Variants in LMX1B observed in about 807,000 individuals in gnomAD.
LMX1B encodes LIM homeobox transcription factor 1-beta.
A neutral mutation model predicts 51.4 loss-of-function variants in LMX1B; 12 were observed. That is an observed-to-expected ratio of 0.23 (90% CI 0.15 to 0.38). The LOEUF is 0.38. Ranked by LOEUF, LMX1B falls within the 10% of genes least tolerant of loss-of-function variation. LMX1B has a pLI of 1.00. For missense variants in LMX1B, 445 were observed against 571.1 expected (o/e 0.78, Z 2.25); for synonymous variants, 237 against 235.4 (o/e 1.01, Z -0.06).
At chr9:126,687,920 AT>A (rs930340343) in intron 2 of LMX1B, among the ~76,000 whole-genome samples, 55 of 152,262 alleles carry the variant, frequency 3.6e-4, no homozygotes, top group African/African-American at 1.2e-3. Flanking sequence ...CCCCGCTGGT[AT>A]CCCCAACCCC....
intron 2 of LMX1B, among the ~76,000 whole-genome samples, chr9:126,672,665 C>A (rs182062182): frequency 6.6e-6 from 1 of 152,258 alleles, no homozygotes; most frequent in Admixed American, 6.5e-5. Context: ...GCCTCCCTCT[C>A]GCCCCATTCA....
chr9:126,615,080 C>T lies in LMX1B; in HGVS notation c.140-303C>T, dbSNP rs546340467. ...CGCCTGTCTTGGTCCCAGCCGGCCA[C>T]CCTGCGCCGTGCTCGTTGTCATTTG... On this transcript the variant is annotated intron_variant, in intron 1 of 7. Coordinates refer to ENST00000373474, the MANE Select transcript of LMX1B (RefSeq NM_001174147.2). This position sits in a 1 kb window ranked among gnomAD's most constrained non-coding sequence, Gnocchi z 6.0. Among the ~76,000 whole-genome samples the T allele has an allele frequency of 1.3e-5, 2 of 152,206 alleles. No homozygotes were observed. The highest frequency in any genetic ancestry group is 4.1e-4 in the South Asian group (2 of 4,822).
intron 3 of LMX1B, among the ~76,000 whole-genome samples, chr9:126,691,822 G>A (rs3780331): frequency 0.11 from 16,910 of 152,266 alleles, 1,186 homozygotes; most frequent in East Asian, 0.34. Flanking sequence ...GAGGGGGCTG[G>A]GCCCTCTGTG....
chr9:126,677,169 C>T lies in LMX1B; in HGVS notation c.327-13667C>T, dbSNP rs964425653. ...CCGTCCCCAGCCAGAGCGCAGGAGA[C>T]CCAGGGATGTGGTCCCCCAGATTCT... On this transcript the variant is annotated intron_variant, in intron 2 of 7. Transcript: ENST00000373474. This position sits in a 1 kb window ranked among gnomAD's most constrained non-coding sequence, Gnocchi z 5.0. Among the ~76,000 whole-genome samples the T allele has an allele frequency of 5.3e-5, 8 of 152,188 alleles. No homozygotes were observed. Among genetic ancestry groups the T allele is most frequent in the African/African-American group, 1.9e-4 (8 of 41,450 alleles).
intron 3 of LMX1B, among the ~76,000 whole-genome samples, chr9:126,691,504 T>C (rs1184919937): frequency 6.6e-6 from 1 of 152,232 alleles, no homozygotes; most frequent in Non-Finnish European, 1.5e-5. Flanking sequence ...AGCACACTTG[T>C]GCACTAAACA....
At position 126,614,087 on chromosome 9, in the gene LMX1B, C is replaced by A. The variant is rs1045649310; in HGVS notation, c.-363C>A. On this transcript the variant is annotated 5_prime_UTR_variant, in exon 1 of 8. Transcript: ENST00000373474. ...GCGGGGCCGCCCCTGCACCCCCACC[C>A]CCTCCCCCGCCTGCCGCCGCCGCCA... Among the ~76,000 whole-genome samples the A allele has an allele frequency of 2.7e-3, 383 of 140,728 alleles. 11 individuals carry two copies. In the East Asian group the frequency reaches 0.071, roughly 26 times the overall value. 92.3% of individuals were successfully genotyped at this position (140,728 alleles called of 152,430 possible). A position where few individuals can be genotyped will look rare whatever the true frequency, so the allele number is the denominator to read the frequency against.
chr9:126,614,426 G>T lies in LMX1B; in HGVS notation c.-24G>T. On this transcript the variant is annotated 5_prime_UTR_variant, in exon 1 of 8. Transcript: ENST00000373474. ...GGCGGGCGAGCAGCCCGGCCGGCGG[G>T]GTCCGCAGCGCGCCCCGCGTCCCAT... 6.8e-7 allele frequency: 1 copy of T among 1,464,872 alleles called. No homozygotes were observed. The allele number at this position is 1,464,872 out of a possible 1,614,324, so 90.7% of individuals were successfully genotyped here.
Position 126,625,712 on chromosome 9 carries a change from C to T in LMX1B, c.326+10143C>T, listed in dbSNP as rs1310293086. Among the ~76,000 whole-genome samples, 2 of 152,230 alleles carry T rather than the reference C, an allele frequency of 1.3e-5. No individual in the cohort carries two copies. The highest frequency in any genetic ancestry group is 4.8e-5 in the African/African-American group (2 of 41,460). On this transcript the variant is annotated intron_variant, in intron 2 of 7. Coordinates refer to ENST00000373474, the MANE Select transcript of LMX1B (RefSeq NM_001174147.2). The surrounding 1 kb of genome is among the most constrained non-coding windows in gnomAD (Gnocchi z 5.3). ...GCGCCTTTCTCGCCACCTCCGCCGC[C>T]GCCGCCGCCACCCTCGTCCCACCGT... is the stretch of plus-strand genomic sequence containing the variant.
chr9:126,649,413 G>A lies in LMX1B; in HGVS notation c.326+33844G>A, dbSNP rs556328169. On this transcript the variant is annotated intron_variant, in intron 2 of 7. Coordinates refer to ENST00000373474, the MANE Select transcript of LMX1B (RefSeq NM_001174147.2). ...TTCCTCCCTGCGTCCTCCCAGCCCC[G>A]TCCCTTGTGTGCTCTAGAACCAGAG... Among the ~76,000 whole-genome samples, 28 of 152,170 alleles carry A rather than the reference G, an allele frequency of 1.8e-4. 1 individual carries two copies. Among genetic ancestry groups the A allele is most frequent in the Middle Eastern group, 6.8e-3 (2 of 294 alleles).
At chr9:126,675,103 C>A (rs1363870277) in intron 2 of LMX1B, among the ~76,000 whole-genome samples, 1 of 152,022 alleles carries the variant, frequency 6.6e-6, no homozygotes, top group Non-Finnish European at 1.5e-5. Flanking sequence ...GGTTGTAGAG[C>A]ATATTAGCGT....
intron 2 of LMX1B, among the ~76,000 whole-genome samples, chr9:126,643,585 CA>C (rs1272210352): frequency 6.6e-6 from 1 of 152,156 alleles, no homozygotes. Flanking sequence ...GTGTACATAG[CA>C]ATCATTCATT....
At chr9:126,652,532 C>T (rs535514591) in intron 2 of LMX1B, among the ~76,000 whole-genome samples, 4 of 152,358 alleles carry the variant, frequency 2.6e-5, no homozygotes, top group Admixed American at 2.0e-4. Flanking sequence ...ATGTGCATCC[C>T]ATGGTCTTCG....
intron 2 of LMX1B, among the ~76,000 whole-genome samples, chr9:126,676,593 A>G (rs7030919): frequency 0.21 from 31,878 of 152,244 alleles, 5,282 homozygotes; most frequent in African/African-American, 0.46. Flanking sequence ...TGGACAAGGT[A>G]CAGAGACCAG....
intron 2 of LMX1B, among the ~76,000 whole-genome samples, chr9:126,621,021 G>C (rs1284782434): frequency 6.6e-6 from 1 of 152,202 alleles, no homozygotes; most frequent in Non-Finnish European, 1.5e-5. Flanking sequence ...CTGTGGCCTT[G>C]TGAGGTTTCC....
At chr9:126,648,136 G>C (rs2118896200) in intron 2 of LMX1B, among the ~76,000 whole-genome samples, 1 of 152,356 alleles carries the variant, frequency 6.6e-6, no homozygotes, top group African/African-American at 2.4e-5. Context: ...AAGGGAAGGG[G>C]AGAAAAAGGG....
intron 2 of LMX1B, among the ~76,000 whole-genome samples, chr9:126,653,994 T>C (rs1836067185): frequency 6.6e-6 from 1 of 152,152 alleles, no homozygotes; most frequent in Non-Finnish European, 1.5e-5. Flanking sequence ...GCTCCCAGGC[T>C]TGGTCTTGCC....
At chr9:126,642,592 C>T (rs992902078) in intron 2 of LMX1B, among the ~76,000 whole-genome samples, 2 of 152,244 alleles carry the variant, frequency 1.3e-5, no homozygotes, top group African/African-American at 2.4e-5. Flanking sequence ...CCAGCTGTCC[C>T]AGCCCTTGTC....
At position 126,671,662 on chromosome 9, in the gene LMX1B, G is replaced by A. The variant is rs1010888046; in HGVS notation, c.327-19174G>A. 6.6e-6 allele frequency among the ~76,000 whole-genome samples: 1 copy of A among 152,188 alleles called. No homozygotes were observed. The highest frequency in any genetic ancestry group is 2.4e-5 in the African/African-American group (1 of 41,444). On this transcript the variant is annotated intron_variant, in intron 2 of 7. Transcript: ENST00000373474. The surrounding 1 kb of genome is among the most constrained non-coding windows in gnomAD (Gnocchi z 4.4). ...GAAAGATAGGCGCACCCCGGGATGAGAGGTCAGCGGGCCTGCCCTGTGCCG... is the reference window on the plus strand; with the variant it reads ...GAAAGATAGGCGCACCCCGGGATGAAAGGTCAGCGGGCCTGCCCTGTGCCG...
intron 2 of LMX1B, among the ~76,000 whole-genome samples, chr9:126,643,131 G>T (rs1835838117): frequency 6.6e-6 from 1 of 152,176 alleles, no homozygotes; most frequent in African/African-American, 2.4e-5. Flanking sequence ...TCCCGGGTCA[G>T]GCTGACTTGT....
Sources: allele counts gnomAD v4.1 joint callset (sites outside exome capture counted in the v4.1 genomes callset), GRCh38; gene constraint gnomAD v4.1.1; non-coding constraint Gnocchi (gnomAD v3.1); transcripts MANE v1.5; gene names NCBI Gene and HGNC (gene_info 2026-07-23, HGNC 2026-07-21).